Variants in SPEF2 observed in about 807,000 individuals in gnomAD.
SPEF2 encodes sperm flagellar and cilia associated 2, also known as sperm flagella and cilia-associated protein 2.
Under a neutral mutation model 224.6 loss-of-function variants are expected in SPEF2, and 187 were observed. That is an observed-to-expected ratio of 0.83 (90% CI 0.74 to 0.94). SPEF2 has a LOEUF of 0.94. Ranked by LOEUF, SPEF2 falls within the 40% of genes least tolerant of loss-of-function variation. The probability of loss-of-function intolerance (pLI) is 0.00; values close to 1 mark genes in which losing one functional copy is unlikely to be tolerated. For missense variants in SPEF2, 2,170 were observed against 2,135.6 expected, an observed-to-expected ratio of 1.02 and a Z score of -0.32; for synonymous variants, 715 against 707.3, an observed-to-expected ratio of 1.01 and a Z score of -0.17.
intron 10 of SPEF2, chr5:35,675,569 C>G (rs1303964221): frequency 6.7e-6 from 1 of 149,346 alleles, no homozygotes; most frequent in East Asian, 1.9e-4. Context: ...CGCTCTCGCT[C>G]TTGCTCTGTC....
chr5:35,755,330 C>T (rs575051872), intron 24 of SPEF2, among the ~76,000 whole-genome samples: 33 of 152,230 alleles, frequency 2.2e-4, no homozygotes, highest in African/African-American at 7.5e-4. Context: ...ACAGTCGTGT[C>T]AAAAGCTTAT....
chr5:35,769,713 C>A (rs1052354836), intron 26 of SPEF2, among the ~76,000 whole-genome samples: 1 of 152,088 alleles, frequency 6.6e-6, no homozygotes, highest in African/African-American at 2.4e-5. Flanking sequence ...GGAAGAGTTA[C>A]ATGCTGCCAT....
At chr5:35,677,764 G>A (rs921656399) in intron 10 of SPEF2, among the ~76,000 whole-genome samples, 3 of 152,134 alleles carry the variant, frequency 2.0e-5, no homozygotes, top group Non-Finnish European at 2.9e-5. Flanking sequence ...GATTGGTCAC[G>A]GAATTTCAGC....
chr5:35,623,081 G>A (rs1579999983), intron 1 of SPEF2, among the ~76,000 whole-genome samples: 1 of 152,336 alleles, frequency 6.6e-6, no homozygotes, highest in Admixed American at 6.5e-5. Flanking sequence ...GGGAGAACAT[G>A]AACCATGAGG....
rs150647637 is a variant in SPEF2, at chr5:35,729,446, C to T, written c.3063+1623C>T. On this transcript the variant is annotated intron_variant, in intron 21 of 36. Transcript: ENST00000356031. Reference sequence around the variant, plus strand: ...ATACTCTGGCCAAGAAGATGGAGGGCGAGGGAGTTTCCTGAAGTACTTACG... The same window carrying T: ...ATACTCTGGCCAAGAAGATGGAGGGTGAGGGAGTTTCCTGAAGTACTTACG... Among the ~76,000 whole-genome samples, 471 of 152,234 alleles carry T rather than the reference C, an allele frequency of 3.1e-3. 2 individuals carry two copies. Among genetic ancestry groups the T allele is most frequent in the South Asian group, 0.02 (94 of 4,814 alleles).
In SPEF2 at chr5:35,670,179, A is replaced by C. The variant is rs1321175916; in HGVS notation, c.1476A>C (p.Glu492Asp). The C allele has an allele frequency of 7.4e-6, 12 of 1,612,072 alleles. No individual in the cohort carries two copies. Among genetic ancestry groups the C allele is most frequent in the Non-Finnish European group, 1.0e-5 (12 of 1,178,798 alleles). The change falls in exon 10 of 37, where the codon GAA becomes GAC. Residue 492 changes from glutamate to aspartate, a missense_variant. Physicochemically the swap from Glu to Asp is conservative, Grantham distance 45. Coordinates refer to ENST00000356031, the MANE Select transcript of SPEF2 (RefSeq NM_024867.4). Reference sequence around the variant, plus strand: ...ACCCCTCAAGAGAACAACTTACAGAACTGGAGAAAAGGGACTTGCTAGATA... The same window carrying C: ...ACCCCTCAAGAGAACAACTTACAGACCTGGAGAAAAGGGACTTGCTAGATA... ...PANPSREQLT[E>D]LEKRDLLDTN...
chr5:35,700,260 A>G, intron 15 of SPEF2: 1 of 531,706 alleles, frequency 1.9e-6, no homozygotes, highest in East Asian at 3.1e-5. Context: ...AGTTAATTTT[A>G]ATGTGTTAAA....
chr5:35,789,742 C>T (rs1238136513), intron 30 of SPEF2: 1 of 693,656 alleles, frequency 1.4e-6, no homozygotes, highest in Non-Finnish European at 2.6e-6. Context: ...CTATTATTCT[C>T]CCATGGTCTG....
intron 11 of SPEF2, among the ~76,000 whole-genome samples, chr5:35,692,117 G>A (rs545906447): frequency 8.6e-5 from 13 of 152,020 alleles, no homozygotes; most frequent in Non-Finnish European, 1.5e-4. Flanking sequence ...TTTTTAAAAA[G>A]AAGCTTGATC....
At chr5:35,646,523 A>C in intron 4 of SPEF2, 144 bp from the exon 5 acceptor site, 1 of 643,864 alleles carries the variant, frequency 1.6e-6, no homozygotes, top group South Asian at 2.7e-5. Flanking sequence ...TTAATATTAC[A>C]CAGTTGTGAC....
At chr5:35,776,710 T>G (rs1753653110) in intron 29 of SPEF2, among the ~76,000 whole-genome samples, 1 of 152,170 alleles carries the variant, frequency 6.6e-6, no homozygotes, top group South Asian at 2.1e-4. Flanking sequence ...TAAAAATAGT[T>G]TTTAGAAGTA....
chr5:35,760,980 C>T (rs141286610), intron 25 of SPEF2, among the ~76,000 whole-genome samples: 32 of 151,786 alleles, frequency 2.1e-4, no homozygotes, highest in East Asian at 7.7e-4. Context: ...AAACAAAAAA[C>T]ATTATATCAG....
chr5:35,709,217 G>A (rs1740613711), intron 19 of SPEF2, 96 bp downstream of exon 19: 11 of 1,546,474 alleles, frequency 7.1e-6, no homozygotes, highest in Non-Finnish European at 9.5e-6. Context: ...CAGACTTTGG[G>A]CAACTTCAAT....
rs372421308 is a variant in SPEF2, at chr5:35,695,735, G to A, written c.1976G>A (p.Ser659Asn). The change falls in exon 14 of 37, where the codon AGT becomes AAT. Residue 659 changes from serine (S) to asparagine (N), a missense_variant and splice_region_variant. Physicochemically the swap from Ser to Asn is conservative, Grantham distance 46. Coordinates refer to ENST00000356031, the MANE Select transcript of SPEF2 (RefSeq NM_024867.4). ...TTCTTACCACTTTTCCTATTGCTAG[G>A]TGCTAATGCTGATAAAACACCAAAA... is the stretch of plus-strand genomic sequence containing the variant. The part of the protein sequence containing the change: ...LPETEGETML[S>N]ANADKTPKAE... 70 of 1,608,960 alleles carry A rather than the reference G, an allele frequency of 4.4e-5. 1 individual carries two copies. In the South Asian group the frequency reaches 6.7e-4, roughly 15 times the overall value.
intron 1 of SPEF2, among the ~76,000 whole-genome samples, chr5:35,621,383 T>G (rs1480313110): frequency 7.5e-6 from 1 of 133,794 alleles, no homozygotes; most frequent in Non-Finnish European, 1.5e-5. Flanking sequence ...TTCAGGTGAG[T>G]CAGGAGGAGA....
At chr5:35,643,834 C>T (rs754490633) in intron 3 of SPEF2, among the ~76,000 whole-genome samples, 6 of 152,030 alleles carry the variant, frequency 3.9e-5, no homozygotes, top group Non-Finnish European at 8.8e-5. Context: ...TCATTATTCC[C>T]ATTTTACAGA....
rs1239836472 is a variant in SPEF2, at chr5:35,652,598, G to GT, written c.792-1936dup. 2.6e-5 allele frequency among the ~76,000 whole-genome samples: 4 copies of GT among 152,130 alleles called. No homozygotes were observed. The East Asian group carries it at 7.7e-4, about 29-fold the overall frequency. ...AGTTTGATTTTTATGTATGTATGGT[G>GT]TTTTTTAGCACATTATTTGAAATTT... On this transcript the variant is annotated intron_variant, in intron 6 of 36. Coordinates refer to ENST00000356031, the MANE Select transcript of SPEF2 (RefSeq NM_024867.4).
rs538576167 is a variant in SPEF2 at position 35,630,974 on chromosome 5, A to G, written c.161+2412A>G. Among the ~76,000 whole-genome samples, 39 of 152,340 alleles carry G rather than the reference A, an allele frequency of 2.6e-4. No individual in the cohort carries two copies. The South Asian group carries it at 2.7e-3, about 11-fold the overall frequency. ...GACATTTCACCAAAGAAGCTAACACATAACTAATAAGGAGATGAATAGATG... is the reference window on the plus strand; with the variant it reads ...GACATTTCACCAAAGAAGCTAACACGTAACTAATAAGGAGATGAATAGATG... On this transcript the variant is annotated intron_variant, in intron 2 of 36. Coordinates refer to ENST00000356031, the MANE Select transcript of SPEF2 (RefSeq NM_024867.4).
intron 10 of SPEF2, among the ~76,000 whole-genome samples, chr5:35,671,902 T>C (rs1182034408): frequency 6.6e-6 from 1 of 151,950 alleles, no homozygotes; most frequent in Non-Finnish European, 1.5e-5. Flanking sequence ...ATAATATGTT[T>C]TCACAAGCTC....
Sources: gnomAD v4.1 joint callset for allele counts (sites outside exome capture counted in the v4.1 genomes callset) on GRCh38, gnomAD v4.1.1 for gene constraint, MANE v1.5 for transcripts, NCBI Gene and HGNC (gene_info 2026-07-23, HGNC 2026-07-21) for gene names.